The following F8 variants were observed in gnomAD, a reference collection of about 807,000 sequenced individuals.
F8 encodes the protein antihemophilic factor.
Under a neutral mutation model 140.6 loss-of-function variants are expected in F8, and 12 were observed. The ratio of observed to expected loss-of-function variants is 0.09; its 90% CI spans 0.05 to 0.14. The LOEUF is 0.14. Ranked by LOEUF, F8 falls within the 10% of genes least tolerant of loss-of-function variation. The pLI, the probability that F8 is intolerant of heterozygous loss-of-function variation, is 1.00. For synonymous variants in F8, 585 were observed against 614.6 expected, an observed-to-expected ratio of 0.95 and a Z score of 0.71; for missense variants, 1,354 against 1,720.7, an observed-to-expected ratio of 0.79 and a Z score of 3.77.
chrX:154,855,485 G>A (rs1458711769), intron 25 of F8, among the ~76,000 whole-genome samples: 1 of 112,037 alleles, frequency 8.9e-6, no homozygotes, highest in Non-Finnish European at 1.9e-5. Flanking sequence ...TTTGCAGGGT[G>A]TCTACTGTTA....
chrX:154,939,524 G>A (rs1603434095), intron 13 of F8, among the ~76,000 whole-genome samples: 1 of 112,604 alleles, frequency 8.9e-6, no homozygotes, highest in Non-Finnish European at 1.9e-5. Flanking sequence ...CGGGAAGCTC[G>A]AACTGGGTGG....
chrX:154,849,349 T>C (rs2072596250), intron 25 of F8, among the ~76,000 whole-genome samples: 1 of 111,870 alleles, frequency 8.9e-6, no homozygotes. Flanking sequence ...AATAGAGCTG[T>C]AATCGATATC....
At position 154,904,003 on chromosome X, in the gene F8, G is replaced by A; in HGVS notation, c.5901C>T (p.Gly1967=). The change falls in exon 18 of 26, where the codon GGC becomes GGT. Residue 1967 remains glycine, a synonymous_variant. Coordinates refer to ENST00000360256, the MANE Select transcript of F8 (RefSeq NM_000132.4). The part of the protein sequence containing the change: ...QRIRWYLLSM[G]SNENIHSIHF... ...GAATAGAATGGATGTTTTCATTGCT[G>A]CCCATGCTGAGCAGATACCATCGAA... 2 of 1,210,552 alleles carry A rather than the reference G, an allele frequency of 1.7e-6. No homozygotes were observed. Among genetic ancestry groups the A allele is most frequent in the Admixed American group, 2.2e-5 (1 of 45,999 alleles).
At chrX:154,963,999 C>A (rs1302387347) in intron 9 of F8, among the ~76,000 whole-genome samples, 2 of 110,939 alleles carry the variant, frequency 1.8e-5, no homozygotes, top group African/African-American at 6.6e-5. Context: ...TGCCACCATG[C>A]CTGGCTAATT....
chrX:155,021,393 G>A (rs1320327040), intron 1 of F8, among the ~76,000 whole-genome samples: 1 of 110,757 alleles, frequency 9.0e-6, no homozygotes, highest in Non-Finnish European at 1.9e-5. Context: ...CACAATCTAT[G>A]TATTATATTT....
intron 7 of F8, among the ~76,000 whole-genome samples, chrX:154,967,895 C>T (rs782056577): frequency 9.0e-6 from 1 of 111,558 alleles, no homozygotes; most frequent in Non-Finnish European, 1.9e-5. Context: ...TTAATCACTA[C>T]AGAAGACAAT....
chrX:154,879,546 C>A (rs1417488064), intron 22 of F8, among the ~76,000 whole-genome samples: 2 of 112,329 alleles, frequency 1.8e-5, no homozygotes, highest in African/African-American at 6.5e-5. Context: ...GTCAACACTT[C>A]ATTATAAATT....
At chrX:154,981,976 G>C (rs1248989782) in intron 6 of F8, among the ~76,000 whole-genome samples, 1 of 111,397 alleles carries the variant, frequency 9.0e-6, no homozygotes, top group Non-Finnish European at 1.9e-5. Flanking sequence ...ACGAGGTCAG[G>C]AGTTCAAGAC....
rs782239105 is a variant in F8, at chrX:154,929,520, T to C, written c.4270A>G (p.Thr1424Ala). The change falls in exon 14 of 26, where the codon ACC (threonine) becomes GCC (alanine). Residue 1424 changes from threonine to alanine, a missense_variant. Around this residue, in one of 4 missense-constraint regions of F8, gnomAD observed 658 missense variants for 666.5 expected, o/e 0.99. Transcript: ENST00000360256. ...GAGTTGTCTTGGAATAGGACCCTGG[T>C]CAGATATATAGGTCTAATAGATGGA... is the stretch of plus-strand genomic sequence containing the variant. ...SFPSIRPIYL[T>A]RVLFQDNSSH... 8.3e-7 allele frequency: 1 copy of C among 1,210,399 alleles called. No homozygotes were observed. The highest frequency in any genetic ancestry group is 2.2e-5 in the Admixed American group (1 of 46,023).
chrX:154,901,948 A>G lies in F8; in HGVS notation c.6115+103T>C, dbSNP rs4074307. ...CATTTTAAATTTGATAATGATGTAA[A>G]CTTGTATTTATTTCCTGACACAAGC... On this transcript the variant is annotated intron_variant, in intron 19 of 25. Coordinates refer to ENST00000360256, the MANE Select transcript of F8 (RefSeq NM_000132.4). 191,060 of 584,885 alleles carry G rather than the reference A, an allele frequency of 0.33. 26,012 individuals are homozygous for G. The highest frequency in any genetic ancestry group is 0.81 in the African/African-American group (35,945 of 44,396). The allele number at this position is 584,885 out of a possible 1,213,427, so 48.2% of individuals were successfully genotyped here. A position where few individuals can be genotyped will look rare whatever the true frequency, so the allele number is the denominator to read the frequency against.
In F8 at chrX:154,930,412, C is replaced by G; in HGVS notation, c.3378G>C (p.Arg1126Ser). The change falls in exon 14 of 26, where the codon AGG becomes AGC. Residue 1126 changes from arginine to serine, a missense_variant. Coordinates refer to ENST00000360256, the MANE Select transcript of F8 (RefSeq NM_000132.4). ...TCTTTCCATGAGTCCTTTGTATCCACCTTGCTGATTCTGGCAAGAATAGCA... is the reference window on the plus strand; with the variant it reads ...TCTTTCCATGAGTCCTTTGTATCCAGCTTGCTGATTCTGGCAAGAATAGCA... The part of the protein sequence containing the change: ...FKMLFLPESA[R>S]WIQRTHGKNS... 3.3e-6 allele frequency: 4 copies of G among 1,211,495 alleles called. No homozygotes were observed. The highest frequency in any genetic ancestry group is 4.5e-6 in the Non-Finnish European group (4 of 895,303).
At chrX:154,939,664 G>A (rs1367049791) in intron 13 of F8, among the ~76,000 whole-genome samples, 2 of 112,435 alleles carry the variant, frequency 1.8e-5, no homozygotes, top group Non-Finnish European at 3.8e-5. Context: ...TTTGAAGAGA[G>A]TAGTGGTTCT....
intron 22 of F8, among the ~76,000 whole-genome samples, chrX:154,881,014 A>G (rs1557274388): frequency 2.0e-5 from 2 of 100,368 alleles, no homozygotes; most frequent in Admixed American, 2.2e-4. Flanking sequence ...TTATCTACCA[A>G]TGCCATTGTC....
At chrX:154,971,000 C>T (rs1422989860) in intron 6 of F8, among the ~76,000 whole-genome samples, 10 of 111,117 alleles carry the variant, frequency 9.0e-5, no homozygotes, top group Admixed American at 1.9e-4. Context: ...TTGAAAAATA[C>T]GGAAAAGAAC....
intron 14 of F8, among the ~76,000 whole-genome samples, chrX:154,921,076 T>G (rs1373869310): frequency 8.9e-6 from 1 of 112,165 alleles, no homozygotes; most frequent in Admixed American, 9.5e-5. Context: ...TATCACCCCT[T>G]CATTTCTGAA....
chrX:154,934,752 C>T (rs1003114811), intron 13 of F8, among the ~76,000 whole-genome samples: 1 of 111,594 alleles, frequency 9.0e-6, no homozygotes, highest in Non-Finnish European at 1.9e-5. Context: ...ACTCCTAATG[C>T]CTCATTGATA....
intron 1 of F8, among the ~76,000 whole-genome samples, chrX:155,011,848 TG>T (rs1412620552): frequency 1.8e-5 from 2 of 112,278 alleles, no homozygotes; most frequent in Non-Finnish European, 3.8e-5. Flanking sequence ...TCTGCAAAAA[TG>T]GAAGAATCTT....
chrX:154,962,120 A>G (rs1477682644), intron 9 of F8, among the ~76,000 whole-genome samples: 4 of 112,226 alleles, frequency 3.6e-5, no homozygotes, highest in Non-Finnish European at 7.5e-5. Flanking sequence ...CCTGTTAAAT[A>G]TGTATACTTA....
At position 154,924,364 on chromosome X, in the gene F8, C is replaced by A. The variant is rs782705811; in HGVS notation, c.5219+4207G>T. 1.4e-4 allele frequency among the ~76,000 whole-genome samples: 16 copies of A among 112,051 alleles called. No individual in the cohort carries two copies. In the South Asian group the frequency reaches 6.0e-3, roughly 42 times the overall value. On this transcript the variant is annotated intron_variant, in intron 14 of 25. Transcript: ENST00000360256. ...TTGTTGAATGGCTTTGACCAAAAGG[C>A]TGATAATGATATGGACAATGAAATC... is the stretch of plus-strand genomic sequence containing the variant.
Sources: allele counts gnomAD v4.1 joint callset (sites outside exome capture counted in the v4.1 genomes callset), GRCh38; gene constraint gnomAD v4.1.1; regional missense constraint gnomAD v4.1.1; transcripts MANE v1.5; gene names NCBI Gene and HGNC (gene_info 2026-07-23, HGNC 2026-07-21).